FNIP1: variants seen among roughly 807,000 people sequenced by gnomAD.
FNIP1 encodes the protein folliculin interacting protein 1.
Under a neutral mutation model 124.5 loss-of-function variants are expected in FNIP1, and 40 were observed. The ratio of observed to expected loss-of-function variants is 0.32; its 90% confidence interval spans 0.25 to 0.42. The LOEUF (loss-of-function observed/expected upper bound fraction) is 0.42, where lower values mean the gene tolerates loss of function less well. Ranked by LOEUF, FNIP1 falls within the 10% of genes least tolerant of loss-of-function variation. FNIP1 has a pLI of 1.00. For synonymous variants in FNIP1, 472 were observed against 470.6 expected, an observed-to-expected ratio of 1.00 and a Z score of -0.04; for missense variants, 1,176 against 1,403.7, an observed-to-expected ratio of 0.84 and a Z score of 2.59.
intron 1 of FNIP1, among the ~76,000 whole-genome samples, chr5:131,778,239 T>C (rs1448356536): frequency 6.6e-6 from 1 of 152,090 alleles, no homozygotes; most frequent in Non-Finnish European, 1.5e-5. Flanking sequence ...TATGACATTG[T>C]CTTGGGAAAC....
At chr5:131,673,817 C>A (rs1016394998) in intron 13 of FNIP1, among the ~76,000 whole-genome samples, 1 of 152,108 alleles carries the variant, frequency 6.6e-6, no homozygotes, top group Admixed American at 6.5e-5. Context: ...GGGTGGATCA[C>A]TTGAGACCAG....
intron 13 of FNIP1, among the ~76,000 whole-genome samples, chr5:131,676,045 A>C (rs972436288): frequency 1.4e-4 from 21 of 150,608 alleles, no homozygotes; most frequent in Admixed American, 4.0e-4. Context: ...TTTTTGAGAC[A>C]GAGTCTTGCA....
chr5:131,710,774 T>C (rs919939332), intron 6 of FNIP1, 113 bp from the exon 7 acceptor site: 1 of 701,784 alleles, frequency 1.4e-6, no homozygotes, highest in Non-Finnish European at 2.3e-6. Flanking sequence ...CAAATATGGA[T>C]GGAAACTTTT....
intron 1 of FNIP1, among the ~76,000 whole-genome samples, chr5:131,766,956 C>T (rs1308153523): frequency 6.6e-6 from 1 of 152,164 alleles, no homozygotes; most frequent in Non-Finnish European, 1.5e-5. Flanking sequence ...ACTCCGTCCA[C>T]AGACTCCCAC....
intron 15 of FNIP1, among the ~76,000 whole-genome samples, chr5:131,657,914 G>T (rs565518610): frequency 8.6e-5 from 13 of 151,924 alleles, no homozygotes; most frequent in Admixed American, 7.9e-4. Flanking sequence ...GGCAGTGTGT[G>T]CCTGTAGTCC....
At chr5:131,780,458 CT>C (rs896724622) in intron 1 of FNIP1, among the ~76,000 whole-genome samples, 3 of 151,980 alleles carry the variant, frequency 2.0e-5, no homozygotes, top group Admixed American at 6.5e-5. Context: ...GCAGATACCA[CT>C]TTTTTTATTT....
rs577903796 is a variant in FNIP1 at position 131,725,832 on chromosome 5, T to C, written c.354+5072A>G. ...CATTCGGGATGATACTGGCTATGGGTTTGTCATAAATAGCTCTTATTATTT... is the reference window on the plus strand; with the variant it reads ...CATTCGGGATGATACTGGCTATGGGCTTGTCATAAATAGCTCTTATTATTT... On this transcript the variant is annotated intron_variant, in intron 3 of 17. Transcript: ENST00000510461. Among the ~76,000 whole-genome samples, 7 of 152,314 alleles carry C rather than the reference T, an allele frequency of 4.6e-5. No individual in the cohort carries two copies. In the East Asian group the frequency reaches 1.3e-3, roughly 29 times the overall value.
intron 2 of FNIP1, among the ~76,000 whole-genome samples, chr5:131,735,632 G>A (rs953935645): frequency 3.4e-5 from 5 of 147,776 alleles, no homozygotes; most frequent in African/African-American, 1.2e-4. Flanking sequence ...ATATGTATAC[G>A]TATATACGTA....
chr5:131,796,739 C>G, intron 1 of FNIP1, 91 bp downstream of exon 1: 1 of 1,236,154 alleles, frequency 8.1e-7, no homozygotes, highest in South Asian at 1.4e-5. Context: ...GGCGCTTCCG[C>G]TCGGGTCGGA....
chr5:131,658,906 C>CAAAA (rs1207131197), intron 15 of FNIP1, among the ~76,000 whole-genome samples: 2 of 7,288 alleles, frequency 2.7e-4, no homozygotes, highest in Non-Finnish European at 2.9e-4. Flanking sequence ...CTGGGTCTAG[C>CAAAA]CAAAAAAAAA....
chr5:131,796,628 G>T, intron 1 of FNIP1: 1 of 574,630 alleles, frequency 1.7e-6, no homozygotes, highest in Non-Finnish European at 3.0e-6. Flanking sequence ...GCAACGGCGA[G>T]GCGGGTGGGG....
chr5:131,759,450 C>T (rs139805458), intron 1 of FNIP1, among the ~76,000 whole-genome samples: 1 of 152,078 alleles, frequency 6.6e-6, no homozygotes, highest in African/African-American at 2.4e-5. Context: ...CATGCACTGA[C>T]ACTTCTCAAA....
intron 1 of FNIP1, among the ~76,000 whole-genome samples, chr5:131,758,245 G>T (rs1771113035): frequency 2.6e-5 from 4 of 152,136 alleles, no homozygotes; most frequent in Admixed American, 2.6e-4. Context: ...AGAAGTGAAG[G>T]AGAAGCAAAA....
intron 2 of FNIP1, among the ~76,000 whole-genome samples, chr5:131,735,008 AC>A (rs1416019939): frequency 6.6e-6 from 1 of 152,238 alleles, no homozygotes; most frequent in Non-Finnish European, 1.5e-5. Context: ...ACACATGCAC[AC>A]GTATGTTTAT....
intron 2 of FNIP1, among the ~76,000 whole-genome samples, chr5:131,743,790 C>T (rs531851414): frequency 2.0e-5 from 3 of 152,108 alleles, no homozygotes; most frequent in African/African-American, 7.2e-5. Flanking sequence ...ACAGCCCTCA[C>T]AAAAAACTCA....
At chr5:131,693,352 A>ATATG (rs1561658517) in intron 11 of FNIP1, among the ~76,000 whole-genome samples, 29 of 137,202 alleles carry the variant, frequency 2.1e-4, no homozygotes, top group South Asian at 1.8e-3. Context: ...ATATATATAT[A>ATATG]TATATATATA....
chr5:131,706,657 G>A (rs775581498), intron 8 of FNIP1, 111 bp from the exon 9 acceptor site: 22 of 1,140,346 alleles, frequency 1.9e-5, no homozygotes, highest in Non-Finnish European at 2.5e-5. Flanking sequence ...TTTGCTTCAT[G>A]AGCCTCAAAA....
chr5:131,743,298 A>G (rs1561685256), intron 2 of FNIP1, among the ~76,000 whole-genome samples: 2 of 152,160 alleles, frequency 1.3e-5, no homozygotes, highest in East Asian at 3.8e-4. Context: ...GTTTTATAAT[A>G]AAAAGAAGAG....
At chr5:131,645,247 G>C (rs566669061) in intron 17 of FNIP1, among the ~76,000 whole-genome samples, 1 of 151,858 alleles carries the variant, frequency 6.6e-6, no homozygotes, top group African/African-American at 2.4e-5. Flanking sequence ...TCTTGAGCCT[G>C]GGAGGTTGAG....
Sources: allele counts gnomAD v4.1 joint callset (sites outside exome capture counted in the v4.1 genomes callset), GRCh38; gene constraint gnomAD v4.1.1; transcripts MANE v1.5; gene names NCBI Gene and HGNC (gene_info 2026-07-23, HGNC 2026-07-21).